The following ABCD4 variants were observed in gnomAD, a reference collection of about 807,000 sequenced individuals.
The protein encoded by ABCD4 is ATP binding cassette subfamily D member 4.
A neutral mutation model predicts 86.3 loss-of-function variants in ABCD4; 53 were observed. The observed-to-expected ratio is 0.61, with a 90% CI of 0.49 to 0.77. The LOEUF (loss-of-function observed/expected upper bound fraction) is 0.77. Ranked by LOEUF, ABCD4 falls within the 30% of genes least tolerant of loss-of-function variation. The probability of loss-of-function intolerance (pLI) is 0.00; values close to 1 mark genes in which losing one functional copy is unlikely to be tolerated. For synonymous variants in ABCD4, 328 were observed against 313.6 expected, an observed-to-expected ratio of 1.05 and a Z score of -0.49; for missense variants, 757 against 764.5, an observed-to-expected ratio of 0.99 and a Z score of 0.12.
chr14:74,300,316 G>T, intron 1 of ABCD4, 48 bp from the exon 2 acceptor site: 2 of 1,221,286 alleles, frequency 1.6e-6, no homozygotes, highest in Non-Finnish European at 2.4e-6. Context: ...CAATAATTAA[G>T]CCTTAGGGAG....
intron 11 of ABCD4, 140 bp downstream of exon 11, chr14:74,292,147 C>A (rs1566949992): frequency 2.6e-6 from 2 of 774,374 alleles, no homozygotes; most frequent in Admixed American, 2.1e-5. Context: ...TGTGAACTTA[C>A]ATGTGCCTGG....
chr14:74,288,662 G>C, intron 15 of ABCD4, 54 bp downstream of exon 15: 5 of 1,592,680 alleles, frequency 3.1e-6, no homozygotes, highest in Non-Finnish European at 4.3e-6. Flanking sequence ...CTGCCTACCT[G>C]TAGCTGGTGC....
chr14:74,300,260 A>G lies in ABCD4; in HGVS notation c.47T>C (p.Leu16Ser). 6.2e-7 allele frequency: 1 copy of G among 1,611,304 alleles called. No individual in the cohort carries two copies. The highest frequency in any genetic ancestry group is 8.5e-7 in the Non-Finnish European group (1 of 1,177,684). ...PAPGAGARPRLDLQFLQRFLQ... is the reference protein window; with the variant it reads ...PAPGAGARPRSDLQFLQRFLQ... ...GAACCGCTGGAGAAATTGCAGATCT[A>G]ACCTGGGCCTGAAGAGAAGGTGGGG... The change falls in exon 2 of 19, where the codon TTA becomes TCA. Residue 16 changes from leucine (L) to serine (S), a missense_variant. Physicochemically the swap from Leu to Ser is moderately radical, Grantham distance 145. Coordinates refer to ENST00000356924, the MANE Select transcript of ABCD4 (RefSeq NM_005050.4).
At chr14:74,289,338 A>T in intron 14 of ABCD4, 145 bp downstream of exon 14, 1 of 1,455,172 alleles carries the variant, frequency 6.9e-7, no homozygotes, top group South Asian at 1.5e-5. Flanking sequence ...CAAAACAGTC[A>T]AAGGAAGAGG....
At chr14:74,300,605 A>G (rs975719620) in intron 1 of ABCD4, among the ~76,000 whole-genome samples, 3 of 151,908 alleles carry the variant, frequency 2.0e-5, no homozygotes, top group African/African-American at 4.8e-5. Flanking sequence ...AAAAAAAAAA[A>G]AAAACCAAAA....
intron 8 of ABCD4, 67 bp downstream of exon 8, chr14:74,293,087 A>G: frequency 6.6e-7 from 1 of 1,517,608 alleles, no homozygotes; most frequent in Non-Finnish European, 9.1e-7. Flanking sequence ...GGAGGTAGAG[A>G]GGTGTGGGAA....
chr14:74,299,984 A>C, intron 2 of ABCD4, 166 bp downstream of exon 2: 2 of 593,854 alleles, frequency 3.4e-6, no homozygotes, highest in Non-Finnish European at 5.9e-6. Flanking sequence ...AATCACTTGA[A>C]CCAGGGAGGC....
Position 74,296,366 on chromosome 14 carries a change from G to A in ABCD4, c.509C>T (p.Thr170Ile), listed in dbSNP as rs2082870933. 1.2e-6 allele frequency: 2 copies of A among 1,614,200 alleles called. No homozygotes were observed. Among genetic ancestry groups the A allele is most frequent in the Non-Finnish European group, 1.7e-6 (2 of 1,180,034 alleles). The change falls in exon 5 of 19, where the codon ACC (threonine) becomes ATC (isoleucine). Residue 170 changes from threonine to isoleucine, a missense_variant. Physicochemically the swap from Thr to Ile is moderately conservative, Grantham distance 89. Transcript: ENST00000356924. ...MASKLIISPF[T>I]LVYYTYQCFQ... ...GCACTGGTAAGTGTAGTAGACGAGG[G>A]TGAACGGGGAGATGATGAGCTTGCT... is the stretch of plus-strand genomic sequence containing the variant.
At chr14:74,295,280 G>A (rs7148875) in intron 6 of ABCD4, 82 bp from the exon 7 acceptor site, 10 of 1,534,568 alleles carry the variant, frequency 6.5e-6, no homozygotes, top group Admixed American at 5.2e-5. Context: ...CACAAAGACC[G>A]CCCAAGCGGA....
chr14:74,286,365 G>A lies in ABCD4; in HGVS notation c.*96C>T. On this transcript the variant is annotated 3_prime_UTR_variant, in exon 19 of 19. Coordinates refer to ENST00000356924, the MANE Select transcript of ABCD4 (RefSeq NM_005050.4). ...GTGGCTCCTGCACGGGATCTATGTGGCGAACCTGAGCTCGATCTTCGCTGT... is the reference window on the plus strand; with the variant it reads ...GTGGCTCCTGCACGGGATCTATGTGACGAACCTGAGCTCGATCTTCGCTGT... 1.5e-6 allele frequency: 2 copies of A among 1,370,514 alleles called. No homozygotes were observed. The highest frequency in any genetic ancestry group is 2.4e-5 in the South Asian group (2 of 84,824). The allele number at this position is 1,370,514 out of a possible 1,614,324, so 84.9% of individuals were successfully genotyped here.
In ABCD4 at chr14:74,297,714, T is replaced by G. The variant is rs1258010137; in HGVS notation, c.425+216A>C. On this transcript the variant is annotated intron_variant, in intron 4 of 18. Transcript: ENST00000356924. ...TGTTGGGACTACAGGTGCATGCCAC[T>G]GCACCTGGCAGGCTTCTTCTTTTTA... 4.7e-6 allele frequency: 6 copies of G among 1,275,792 alleles called. No homozygotes were observed. The South Asian group carries it at 1.1e-4, about 24-fold the overall frequency. 79.0% of individuals were successfully genotyped at this position (1,275,792 alleles called of 1,614,324 possible). A position where few individuals can be genotyped will look rare whatever the true frequency, so the allele number is the denominator to read the frequency against.
chr14:74,295,564 G>A lies in ABCD4; in HGVS notation c.668+290C>T, dbSNP rs544680831. The stretch of plus-strand genomic sequence containing the variant: ...TCCAAGACAGGGCGGTTATGCCAGG[G>A]CAGTGAGAAGGCCAAGAGATGACAA... On this transcript the variant is annotated intron_variant, in intron 6 of 18. Coordinates refer to ENST00000356924, the MANE Select transcript of ABCD4 (RefSeq NM_005050.4). Among the ~76,000 whole-genome samples the A allele has an allele frequency of 4.6e-5, 7 of 152,356 alleles. No homozygotes were observed. In the South Asian group the frequency reaches 1.2e-3, roughly 27 times the overall value.
chr14:74,295,147 C>T lies in ABCD4; in HGVS notation c.719+1G>A, dbSNP rs778277745. ...AAGGGGAACCATCTCTCCAGACTCA[C>T]CTGTAGAAAGCAGCAGGCTCCGCAT... On this transcript the variant is annotated splice_donor_variant, in intron 7 of 18. Coordinates refer to ENST00000356924, the MANE Select transcript of ABCD4 (RefSeq NM_005050.4). LOFTEE classifies it high-confidence loss of function. The T allele has an allele frequency of 6.2e-7, 1 of 1,614,178 alleles. No individual in the cohort carries two copies. The highest frequency in any genetic ancestry group is 8.5e-7 in the Non-Finnish European group (1 of 1,180,006).
At position 74,299,924 on chromosome 14, in the gene ABCD4, G is replaced by A. The variant is rs115235124; in HGVS notation, c.157+226C>T. 1.9e-3 allele frequency: 1,135 copies of A among 585,290 alleles called. 12 individuals are homozygous for A. The highest frequency in any genetic ancestry group is 0.019 in the African/African-American group (1,019 of 53,578). 36.3% of individuals were successfully genotyped at this position (585,290 alleles called of 1,614,324 possible). A position where few individuals can be genotyped will look rare whatever the true frequency, so the allele number is the denominator to read the frequency against. ...TGAAAAATACAAAGTTTAGTCGGGC[G>A]TGGTGGTGGGTGCTTGTAATCCCAG... is the stretch of plus-strand genomic sequence containing the variant. On this transcript the variant is annotated intron_variant, in intron 2 of 18. Coordinates refer to ENST00000356924, the MANE Select transcript of ABCD4 (RefSeq NM_005050.4).
intron 6 of ABCD4, among the ~76,000 whole-genome samples, chr14:74,295,427 G>C (rs970674986): frequency 6.6e-6 from 1 of 152,208 alleles, no homozygotes; most frequent in Non-Finnish European, 1.5e-5. Context: ...TCTGCAGAGA[G>C]GACAGGGGTA....
Position 74,289,733 on chromosome 14 carries a change from C to T in ABCD4, c.1420-214G>A, listed in dbSNP as rs2080938404. The T allele has an allele frequency of 9.1e-6, 13 of 1,434,632 alleles. No individual in the cohort carries two copies. The South Asian group carries it at 1.8e-4, about 20-fold the overall frequency. 88.9% of individuals were successfully genotyped at this position (1,434,632 alleles called of 1,614,324 possible). ...GTGTTTAGGGGGAACAGTCTGACAG[C>T]CTCCTGAGGGCAGGGGCCCCAGAAT... is the stretch of plus-strand genomic sequence containing the variant. On this transcript the variant is annotated intron_variant, in intron 13 of 18. Coordinates refer to ENST00000356924, the MANE Select transcript of ABCD4 (RefSeq NM_005050.4).
In ABCD4 at chr14:74,299,529, A is replaced by G. The variant is rs369159114; in HGVS notation, c.285+19T>C. 2.5e-6 allele frequency: 4 copies of G among 1,612,344 alleles called. No individual in the cohort carries two copies. Among genetic ancestry groups the G allele is most frequent in the Middle Eastern group, 3.3e-4 (2 of 6,070 alleles). On this transcript the variant is annotated intron_variant, in intron 3 of 18. Transcript: ENST00000356924. ...GGACTGGAGAGGACGAGAGACACAG[A>G]GAGAGGGAAAGATCTTACCGTGGAG...
rs1490254047 is a variant in ABCD4, at chr14:74,295,909, T to C, written c.613A>G (p.Met205Val). 2 of 1,613,024 alleles carry C rather than the reference T, an allele frequency of 1.2e-6. No individual in the cohort carries two copies. Among genetic ancestry groups the C allele is most frequent in the Non-Finnish European group, 1.7e-6 (2 of 1,179,822 alleles). Residue 205 changes from methionine (M) to valine (V), a missense_variant, in exon 6 of 19, where the codon ATG becomes GTG. Coordinates refer to ENST00000356924, the MANE Select transcript of ABCD4 (RefSeq NM_005050.4). The stretch of plus-strand genomic sequence containing the variant: ...ACCAGCTTCATCACAATGGGGCCCA[T>C]CAAAGTTTTGTTCACCACGGTCCCC... ...ILGTVVNKTL[M>V]GPIVMKLVHQ...
Position 74,286,522 on chromosome 14 carries a change from G to C in ABCD4, c.1760C>G (p.Ser587Cys), listed in dbSNP as rs544131731. 3.7e-6 allele frequency: 6 copies of C among 1,614,228 alleles called. No homozygotes were observed. The East Asian group carries it at 1.3e-4, about 36-fold the overall frequency. ...TCCTCCACAGAGTTTCAGAACCAAG[G>C]AATGAAACTACAAGAGACCACCACC... is the stretch of plus-strand genomic sequence containing the variant. ...GHRQSLEKFHSLVLKLCGGGR... is the reference protein window; with the variant it reads ...GHRQSLEKFHCLVLKLCGGGR... Residue 587 changes from serine (S) to cysteine (C), a missense_variant, in exon 19 of 19, where the codon TCC becomes TGC. By Grantham distance (112) the Ser-to-Cys change is moderately radical (BLOSUM62 -1). Transcript: ENST00000356924.
Sources: allele counts gnomAD v4.1 joint callset (sites outside exome capture counted in the v4.1 genomes callset), GRCh38; gene constraint gnomAD v4.1.1; transcripts MANE v1.5; gene names NCBI Gene and HGNC (gene_info 2026-07-23, HGNC 2026-07-21).